Variants in SCNN1D observed in about 807,000 individuals in gnomAD.
SCNN1D encodes epithelial sodium channel subunit delta.
A neutral mutation model predicts 87.8 loss-of-function variants in SCNN1D; 104 were observed. The observed-to-expected ratio is 1.18, with a 90% CI of 1.01 to 1.39. The LOEUF is 1.39. Ranked by LOEUF, SCNN1D falls within the 40% of genes most tolerant of loss-of-function variation. The probability of loss-of-function intolerance (pLI) is 0.00; values close to 1 mark genes in which losing one functional copy is unlikely to be tolerated. For missense variants in SCNN1D, 1,324 were observed against 1,093.9 expected (o/e 1.21, Z -2.97); for synonymous variants, 628 against 481.2 (o/e 1.31, Z -3.99).
chr1:1,287,237 C>T lies in SCNN1D; in HGVS notation c.1248C>T (p.His416=), dbSNP rs550358876. 1.4e-5 allele frequency: 23 copies of T among 1,611,290 alleles called. No individual in the cohort carries two copies. The highest frequency in any genetic ancestry group is 4.4e-5 in the South Asian group (4 of 90,958). The part of the protein sequence containing the change: ...ALLPAAWEDS[H]GSQDGHFVLS... The stretch of plus-strand genomic sequence containing the variant: ...TGCCCGCGGCATGGGAGGACAGCCA[C>T]GGGAGCCAGGACGGCCACTTCGTCC... The change falls in exon 9 of 18, where the codon CAC becomes CAT. Residue 416 remains histidine (H), a synonymous_variant. Coordinates refer to ENST00000379116, the MANE Select transcript of SCNN1D (RefSeq NM_001130413.4).
rs765977813 is a variant in SCNN1D, at chr1:1,290,357, G to A, written c.1749G>A (p.Glu583=). 1 of 1,599,260 alleles carries A rather than the reference G, an allele frequency of 6.3e-7. No individual in the cohort carries two copies. Among genetic ancestry groups the A allele is most frequent in the Non-Finnish European group, 8.5e-7 (1 of 1,171,446 alleles). Residue 583 remains glutamate (E), a synonymous_variant, in exon 13 of 18, where the codon GAG becomes GAA. Transcript: ENST00000379116. The stretch of plus-strand genomic sequence containing the variant: ...TCCACCCTCTGCCGGCGGGGGCTGA[G>A]TACTGCAGCTCTGCCCGGCACCCTG... ...YYLHPLPAGA[E]YCSSARHPAW...
At position 1,283,644 on chromosome 1, in the gene SCNN1D, G is replaced by A. The variant is rs191074144; in HGVS notation, c.352-334G>A. 2.8e-3 allele frequency among the ~76,000 whole-genome samples: 426 copies of A among 152,228 alleles called. 6 individuals are homozygous for A. The highest frequency in any genetic ancestry group is 4.6e-3 in the Non-Finnish European group (310 of 67,996). On this transcript the variant is annotated intron_variant, in intron 4 of 17. Transcript: ENST00000379116. ...ACTCGGGAGGTGGAGCTTGCAGTGA[G>A]CCTAGATCGTGCCATTGCACTCCAA...
At position 1,280,649 on chromosome 1, in the gene SCNN1D, G is replaced by A. The variant is rs1184190943; in HGVS notation, c.-13G>A. On this transcript the variant is annotated 5_prime_UTR_variant, in exon 1 of 18. Transcript: ENST00000379116. ...ATGCTGATGCTGTGCCTGAATTCCA[G>A]CAGGGAGGAGGCATGAGGTGCGTCC... The A allele has an allele frequency of 1.4e-6, 1 of 700,878 alleles. No individual in the cohort carries two copies. Among genetic ancestry groups the A allele is most frequent in the African/African-American group, 1.7e-5 (1 of 57,326 alleles). 43.4% of individuals were successfully genotyped at this position (700,878 alleles called of 1,614,324 possible).
At chr1:1,282,407 C>T in intron 4 of SCNN1D, 92 bp downstream of exon 4, 2 of 1,403,216 alleles carry the variant, frequency 1.4e-6, no homozygotes, top group South Asian at 1.3e-5. Flanking sequence ...CCCAGCACCA[C>T]TTGGGGCAGG....
At chr1:1,284,613 G>A (rs756815098) in intron 5 of SCNN1D, among the ~76,000 whole-genome samples, 44 of 147,596 alleles carry the variant, frequency 3.0e-4, no homozygotes, top group African/African-American at 7.0e-4. Flanking sequence ...GGGGGGTGCC[G>A]AGCGTGTGCT....
At chr1:1,289,982 T>TCC (rs565085740) in intron 12 of SCNN1D, among the ~76,000 whole-genome samples, 1 of 42,742 alleles carries the variant, frequency 2.3e-5, no homozygotes, top group Admixed American at 3.5e-4. Context: ...GTCTGCTCCG[T>TCC]CCCGTGTCCC....
chr1:1,284,314 G>A (rs1260495715), intron 5 of SCNN1D, among the ~76,000 whole-genome samples: 5 of 109,912 alleles, frequency 4.5e-5, no homozygotes. Flanking sequence ...GGGGTGGGGG[G>A]TAGGGGTGGG....
rs1350518583 is a variant in SCNN1D, at chr1:1,291,049, C to T, written c.1977-16C>T. ...AAGGTCTGGGCCAGCGCCCTCATGC[C>T]TCTATCCTGCCCCAGGAGCAGCCTG... On this transcript the variant is annotated splice_polypyrimidine_tract_variant and intron_variant, in intron 16 of 17. Transcript: ENST00000379116. The T allele has an allele frequency of 6.2e-7, 1 of 1,610,682 alleles. No individual in the cohort carries two copies. Among genetic ancestry groups the T allele is most frequent in the Non-Finnish European group, 8.5e-7 (1 of 1,179,000 alleles).
At chr1:1,291,180 C>CTAGAGCGGGGGCTA (rs1557588191) in intron 17 of SCNN1D, 40 bp downstream of exon 17, 8 of 1,598,752 alleles carry the variant, frequency 5.0e-6, no homozygotes. Flanking sequence ...GCGGGGGCAG[C>CTAGAGCGGGGGCTA]GACAGTGGCT....
In SCNN1D at chr1:1,290,661, T is replaced by A. The variant is rs752464649; in HGVS notation, c.1884T>A (p.Thr628=). 1 of 1,612,652 alleles carries A rather than the reference T, an allele frequency of 6.2e-7. No homozygotes were observed. The highest frequency in any genetic ancestry group is 8.5e-7 in the Non-Finnish European group (1 of 1,179,914). The change falls in exon 15 of 18, where the codon ACT becomes ACA. Residue 628 remains threonine (T), a synonymous_variant. Coordinates refer to ENST00000379116, the MANE Select transcript of SCNN1D (RefSeq NM_001130413.4). ...PCRESAFKLS[T]GTSRWPSAKS... ...GGGAGTCTGCATTCAAGCTCTCCAC[T>A]GGGACCTCCAGGTGGCCTTCCGCCA... is the stretch of plus-strand genomic sequence containing the variant.
chr1:1,286,747 C>T (rs1640599742), intron 7 of SCNN1D, 21 bp from the exon 8 acceptor site: 1 of 1,609,662 alleles, frequency 6.2e-7, no homozygotes, highest in Non-Finnish European at 8.5e-7. Context: ...GCAACTCTGA[C>T]TCCAGGGCCC....
Position 1,291,095 on chromosome 1 carries a change from C to T in SCNN1D, c.2007C>T (p.Tyr669=). 6.2e-7 allele frequency: 1 copy of T among 1,612,368 alleles called. No homozygotes were observed. Among genetic ancestry groups the T allele is most frequent in the Non-Finnish European group, 8.5e-7 (1 of 1,179,814 alleles). The stretch of plus-strand genomic sequence containing the variant: ...GCCTGGCCAAAATCAACATCGTCTA[C>T]CAGGAGCTCAACTACCGCTCAGTGG... The part of the protein sequence containing the change: ...RSSLAKINIV[Y]QELNYRSVEE... Residue 669 remains tyrosine, a synonymous_variant, in exon 17 of 18, where the codon TAC becomes TAT. Transcript: ENST00000379116.
At chr1:1,288,061 G>T in intron 12 of SCNN1D, 24 bp downstream of exon 12, 1 of 1,491,332 alleles carries the variant, frequency 6.7e-7, no homozygotes, top group Non-Finnish European at 9.0e-7. Context: ...GGCAGGGGGT[G>T]CGGGGGCAGG....
chr1:1,287,508 A>G lies in SCNN1D; in HGVS notation c.1311A>G (p.Arg437=). The change falls in exon 10 of 18, where the codon CGA becomes CGG. Residue 437 remains arginine (R), a splice_region_variant and synonymous_variant. Coordinates refer to ENST00000379116, the MANE Select transcript of SCNN1D (RefSeq NM_001130413.4). ...CSYDGLDCQA[R]QFRTFHHPTY... is the part of the protein sequence containing the mutation. The stretch of plus-strand genomic sequence containing the variant: ...GTCTGAGCTTGGCTTCTCATTCCAG[A>G]CAGTTCCGGACCTTCCACCACCCCA... 2 of 1,518,198 alleles carry G rather than the reference A, an allele frequency of 1.3e-6. No individual in the cohort carries two copies. The highest frequency in any genetic ancestry group is 1.8e-6 in the Non-Finnish European group (2 of 1,132,142). The allele number at this position is 1,518,198 out of a possible 1,614,324, so 94.0% of individuals were successfully genotyped here.
rs949283971 is a variant in SCNN1D at position 1,281,438 on chromosome 1, C to T, written c.105C>T (p.His35=). The change falls in exon 3 of 18, where the codon CAC becomes CAT. Residue 35 remains histidine, a synonymous_variant. Transcript: ENST00000379116. ...RRLTWSWCSD[H]RTPTCRELGS... ...TCACCTGGTCATGGTGCAGTGACCA[C>T]AGGACCCCCACATGCCGGGAGCTGG... is the stretch of plus-strand genomic sequence containing the variant. 12 of 1,520,044 alleles carry T rather than the reference C, an allele frequency of 7.9e-6. 1 individual carries two copies. The highest frequency in any genetic ancestry group is 8.8e-6 in the Non-Finnish European group (10 of 1,138,116). 94.2% of individuals were successfully genotyped at this position (1,520,044 alleles called of 1,614,324 possible).
At chr1:1,285,715 A>T (rs1007144071) in intron 6 of SCNN1D, 51 bp downstream of exon 6, 228 of 1,402,222 alleles carry the variant, frequency 1.6e-4, no homozygotes, top group Admixed American at 7.4e-5. Context: ...AGCAGCCCAA[A>T]CTCAAACTCA....
chr1:1,283,904 A>C (rs1640518142), intron 4 of SCNN1D, 74 bp from the exon 5 acceptor site: 8 of 751,650 alleles, frequency 1.1e-5, no homozygotes, highest in Non-Finnish European at 1.6e-5. Flanking sequence ...GGTCCGGGGC[A>C]GGTGTGGCTG....
chr1:1,290,227 T>C, intron 12 of SCNN1D, 44 bp from the exon 13 acceptor site: 1 of 1,427,236 alleles, frequency 7.0e-7, no homozygotes, highest in Non-Finnish European at 9.6e-7. Flanking sequence ...GTCCCCCATG[T>C]CTCCGCTCCA....
At position 1,280,483 on chromosome 1, in the gene SCNN1D, G is replaced by A. The variant is rs888802846; in HGVS notation, c.-179G>A. 2 of 485,862 alleles carry A rather than the reference G, an allele frequency of 4.1e-6. No homozygotes were observed. The highest frequency in any genetic ancestry group is 2.0e-5 in the African/African-American group (1 of 50,724). The allele number at this position is 485,862 out of a possible 1,614,324, so 30.1% of individuals were successfully genotyped here. On this transcript the variant is annotated 5_prime_UTR_variant, in exon 1 of 18. Transcript: ENST00000379116. ...TCTCAATAAATAAAAAAAAAAAAGA[G>A]TTGTTATCAGTAGAAGGGAATGTCT...
Sources: allele counts gnomAD v4.1 joint callset (sites outside exome capture counted in the v4.1 genomes callset), GRCh38; gene constraint gnomAD v4.1.1; transcripts MANE v1.5; gene names NCBI Gene and HGNC (gene_info 2026-07-23, HGNC 2026-07-21).